Variants in DUOX2 observed in about 807,000 individuals in gnomAD.
The protein encoded by DUOX2 is dual oxidase 2.
A neutral mutation model predicts 183.3 loss-of-function variants in DUOX2; 185 were observed. The ratio of observed to expected loss-of-function variants is 1.01; its 90% CI spans 0.90 to 1.14. The LOEUF is 1.14. Ranked by LOEUF, DUOX2 falls within the 50% of genes most tolerant of loss-of-function variation. The probability of loss-of-function intolerance (pLI) is 0.00; values close to 1 mark genes in which losing one functional copy is unlikely to be tolerated. For synonymous variants in DUOX2, 788 were observed against 812.4 expected, an observed-to-expected ratio of 0.97 and a Z score of 0.51; for missense variants, 1,999 against 2,022.9, an observed-to-expected ratio of 0.99 and a Z score of 0.23.
intron 13 of DUOX2, 133 bp from the exon 14 acceptor site, chr15:45,107,596 C>T (rs1894254193): frequency 1.0e-6 from 1 of 979,334 alleles, no homozygotes; most frequent in Non-Finnish European, 1.6e-6. Flanking sequence ...GTAATCCCAA[C>T]ACTTTGGGAG....
rs761813221 is a variant in DUOX2 at position 45,101,224 on chromosome 15, T to A, written c.2902A>T (p.Thr968Ser). 4.3e-6 allele frequency: 7 copies of A among 1,613,712 alleles called. No homozygotes were observed. The Admixed American group carries it at 5.0e-5, about 12-fold the overall frequency. Residue 968 changes from threonine to serine, a missense_variant, in exon 22 of 34, where the codon ACT becomes TCT. Thr to Ser is a moderately conservative substitution (Grantham distance 58). This residue lies in a region of DUOX2 where 1,628 missense variants were observed against 1,608.6 expected (regional missense o/e 1.01). Transcript: ENST00000389039. ...GCTCACCGCTCCCCAGGTGTCCGAG[T>A]GATGAACGAGACTCGACAGCTGATG... ...QNISCRVSFI[T>S]RTPGERSHPQ...
At position 45,103,230 on chromosome 15, in the gene DUOX2, T is replaced by G. The variant is rs550823387; in HGVS notation, c.2654+730A>C. Among the ~76,000 whole-genome samples the G allele has an allele frequency of 2.0e-5, 3 of 152,370 alleles. No individual in the cohort carries two copies. The South Asian group carries it at 6.2e-4, about 32-fold the overall frequency. ...TTAAGGCTTAACAGGATAGAAAAAT[T>G]GAAATAATGTGGGCTGTTACATCTA... On this transcript the variant is annotated intron_variant, in intron 20 of 33. Coordinates refer to ENST00000389039, the MANE Select transcript of DUOX2 (RefSeq NM_001363711.2).
intron 18 of DUOX2, among the ~76,000 whole-genome samples, chr15:45,104,724 G>T (rs1894171130): frequency 1.3e-5 from 2 of 152,204 alleles, no homozygotes; most frequent in Non-Finnish European, 2.9e-5. Context: ...AGGGGCTGGG[G>T]CTGTGCTCTC....
chr15:45,102,089 A>C, intron 20 of DUOX2, 100 bp from the exon 21 acceptor site: 1 of 1,450,712 alleles, frequency 6.9e-7, no homozygotes, highest in Non-Finnish European at 9.5e-7. Context: ...TGTGGTTACC[A>C]GTGACCCGGG....
chr15:45,107,579 C>T (rs999374665), intron 13 of DUOX2, 116 bp from the exon 14 acceptor site: 31 of 1,109,136 alleles, frequency 2.8e-5, no homozygotes, highest in Non-Finnish European at 4.1e-5. Context: ...TGCAGTGGCT[C>T]ATGCCTGTAA....
chr15:45,094,729 G>A (rs1339447125), intron 32 of DUOX2, 38 bp from the exon 33 acceptor site: 1 of 1,612,686 alleles, frequency 6.2e-7, no homozygotes, highest in Admixed American at 1.7e-5. Flanking sequence ...AAGACAGTCA[G>A]GGCCAGCACT....
Position 45,102,471 on chromosome 15 carries a change from T to A in DUOX2, c.2655-482A>T, listed in dbSNP as rs565917260. On this transcript the variant is annotated intron_variant, in intron 20 of 33. Transcript: ENST00000389039. ...CGGGGCACAGGCGGGAGCGTCTCCA[T>A]GCCCAACCTGATAGCACCCACAGTG... 1.1e-4 allele frequency among the ~76,000 whole-genome samples: 17 copies of A among 152,340 alleles called. No homozygotes were observed. The East Asian group carries it at 3.3e-3, about 29-fold the overall frequency.
chr15:45,110,686 G>A lies in DUOX2; in HGVS notation c.907C>T (p.Pro303Ser). Residue 303 changes from proline to serine, a missense_variant, in exon 8 of 34, where the codon CCC (proline) becomes TCC (serine). Transcript: ENST00000389039. ...GGGAGTGTTTTCTGCAGGAAGCTGG[G>A]CAGCCACTCATACACAGCGATGTTC... ...YQNIAVYEWL[P>S]SFLQKTLPEY... is the part of the protein sequence containing the mutation. 6.2e-7 allele frequency: 1 copy of A among 1,611,916 alleles called. No homozygotes were observed. The highest frequency in any genetic ancestry group is 1.1e-5 in the South Asian group (1 of 91,010).
chr15:45,107,046 T>C (rs1894238924), intron 14 of DUOX2, 77 bp from the exon 15 acceptor site: 1 of 1,545,894 alleles, frequency 6.5e-7, no homozygotes, highest in East Asian at 2.4e-5. Context: ...CTCTATCCTA[T>C]AAAGGACCAA....
At chr15:45,112,416 A>C in intron 4 of DUOX2, 138 bp downstream of exon 4, 2 of 1,030,738 alleles carry the variant, frequency 1.9e-6, no homozygotes, top group Non-Finnish European at 2.8e-6. Flanking sequence ...AGATGAAGGC[A>C]GTCTCGAAGT....
chr15:45,113,923 C>CCCT (rs1392728334), intron 1 of DUOX2, 50 bp downstream of exon 1: 1 of 202,566 alleles, frequency 4.9e-6, no homozygotes, highest in African/African-American at 2.3e-5. Context: ...CAATGAACGC[C>CCCT]TGTGCATGAT....
At position 45,111,960 on chromosome 15, in the gene DUOX2, G is replaced by A. The variant is rs200837051; in HGVS notation, c.326-5C>T. ...CGTCGGAAAGAACATGGTAGCCTGC[G>A]GGCATGGGGCGCCAATACGTGACAA... On this transcript the variant is annotated splice_polypyrimidine_tract_variant and splice_region_variant and intron_variant, in intron 4 of 33. Transcript: ENST00000389039. 135 of 1,613,108 alleles carry A rather than the reference G, an allele frequency of 8.4e-5. No homozygotes were observed. Among genetic ancestry groups the A allele is most frequent in the Non-Finnish European group, 1.1e-4 (131 of 1,179,894 alleles).
chr15:45,113,010 C>T lies in DUOX2; in HGVS notation c.137G>A (p.Arg46Lys). The T allele has an allele frequency of 6.2e-7, 1 of 1,613,758 alleles. No homozygotes were observed. Among genetic ancestry groups the T allele is most frequent in the Non-Finnish European group, 8.5e-7 (1 of 1,179,950 alleles). The stretch of plus-strand genomic sequence containing the variant: ...ACCAACAGCACCACGCTCGTGGTGC[C>T]TCAGGTTGTTAAACCAGCCGTCATA... ...QRYDGWFNNL[R>K]HHERGAVGCR... Residue 46 changes from arginine (R) to lysine (K), a missense_variant, in exon 3 of 34, where the codon AGG becomes AAG. This residue lies in a region of DUOX2 where 356 missense variants were observed against 356.4 expected (regional missense o/e 1.00). Transcript: ENST00000389039.
intron 27 of DUOX2, 114 bp downstream of exon 27, chr15:45,097,895 T>C (rs1205141127): frequency 6.5e-7 from 1 of 1,545,358 alleles, no homozygotes; most frequent in Non-Finnish European, 8.9e-7. Context: ...CTGGGGCTTG[T>C]CCTGAAGGCT....
chr15:45,106,563 C>T lies in DUOX2; in HGVS notation c.1910G>A (p.Ser637Asn). The T allele has an allele frequency of 1.9e-6, 3 of 1,614,236 alleles. No individual in the cohort carries two copies. Among genetic ancestry groups the T allele is most frequent in the South Asian group, 2.2e-5 (2 of 91,082 alleles). Residue 637 changes from serine to asparagine, a missense_variant, in exon 16 of 34, where the codon AGC becomes AAC. Ser to Asn is a conservative substitution (Grantham distance 46). Transcript: ENST00000389039. ...HKKLQKKLKE[S>N]VKKEAAKDGV... ...ATCTTTGGCTGCTTCCTTCTTCACG[C>T]TCTCTTTGAGTTTCTTTTGTAGCTT... is the stretch of plus-strand genomic sequence containing the variant.
Position 45,102,269 on chromosome 15 carries a change from G to GGT in DUOX2, c.2655-282_2655-281dup, listed in dbSNP as rs57482502. On this transcript the variant is annotated intron_variant, in intron 20 of 33. Coordinates refer to ENST00000389039, the MANE Select transcript of DUOX2 (RefSeq NM_001363711.2). ...GAGAAGATAGTCCACTGAGTGCAGG[G>GGT]GTGTCCAGGGTGTGCATGGCCCTCT... Among the ~76,000 whole-genome samples, 22,966 of 152,116 alleles carry GGT rather than the reference G, an allele frequency of 0.15. 2,735 individuals carry two copies. The highest frequency in any genetic ancestry group is 0.33 in the African/African-American group (13,763 of 41,430).
At chr15:45,100,662 T>C in intron 23 of DUOX2, 93 bp downstream of exon 23, 1 of 1,050,104 alleles carries the variant, frequency 9.5e-7, no homozygotes, top group Non-Finnish European at 1.5e-6. Flanking sequence ...CTCAGGATGG[T>C]CGCTTATATG....
rs753930411 is a variant in DUOX2, at chr15:45,104,041, T to A, written c.2573A>T (p.Asp858Val). ...LVVFMKGSPE[D>V]KSRLMFTMYD... Reference sequence around the variant, plus strand: ...CATGGTAAACATTAGACGGGACTTATCCTCTGGGGAGCCTGGGAAGAAAAA... The same window carrying A: ...CATGGTAAACATTAGACGGGACTTAACCTCTGGGGAGCCTGGGAAGAAAAA... Residue 858 changes from aspartate (D) to valine (V), a missense_variant, in exon 20 of 34, where the codon GAT (aspartate) becomes GTT (valine). Transcript: ENST00000389039. The A allele has an allele frequency of 6.2e-6, 10 of 1,613,998 alleles. No individual in the cohort carries two copies. The highest frequency in any genetic ancestry group is 2.7e-5 in the African/African-American group (2 of 74,888).
rs769482245 is a variant in DUOX2, at chr15:45,106,845, G to A, written c.1818C>T (p.Cys606=). The A allele has an allele frequency of 1.2e-5, 19 of 1,594,298 alleles. No individual in the cohort carries two copies. The Admixed American group carries it at 2.5e-4, about 21-fold the overall frequency. The change falls in exon 15 of 34, where the codon TGC becomes TGT. Residue 606 remains cysteine, a synonymous_variant. Coordinates refer to ENST00000389039, the MANE Select transcript of DUOX2 (RefSeq NM_001363711.2). ...CTAAGAGCTCACCTAAGGGAAGGCA[G>A]CAGAGAGCAATGATGGTGATGGCAA... is the stretch of plus-strand genomic sequence containing the variant. ...PGFAITIIAL[C]CLPLVSLLLS...
Sources: gnomAD v4.1 joint callset for allele counts (sites outside exome capture counted in the v4.1 genomes callset) on GRCh38, gnomAD v4.1.1 for gene constraint, gnomAD v4.1.1 regional missense constraint, MANE v1.5 for transcripts, NCBI Gene and HGNC (gene_info 2026-07-23, HGNC 2026-07-21) for gene names.